The following DACH2 variants were observed in gnomAD, a reference collection of about 807,000 sequenced individuals.
DACH2 encodes the protein dachshund family transcription factor 2.
Under a neutral mutation model 35.8 loss-of-function variants are expected in DACH2, and 17 were observed. The ratio of observed to expected loss-of-function variants is 0.48; its 90% CI spans 0.33 to 0.71. The LOEUF is 0.71. DACH2 is among the 30% of genes least tolerant of loss of function. The pLI is 0.02. For synonymous variants in DACH2, 195 were observed against 177.3 expected (o/e 1.10, Z -0.79); for missense variants, 469 against 472.7 (o/e 0.99, Z 0.07).
At chrX:86,160,369 G>A in intron 1 of DACH2, 1 of 754,959 alleles carries the variant, frequency 1.3e-6, no homozygotes, top group Non-Finnish European at 2.0e-6. Context: ...GAGGAGGATA[G>A]TCTGAGAAGC....
chrX:86,296,986 T>C (rs2035232962), intron 1 of DACH2, among the ~76,000 whole-genome samples: 1 of 107,648 alleles, frequency 9.3e-6, no homozygotes. Context: ...ACATACGTTT[T>C]CTGGCTTCAG....
At chrX:86,416,955 G>A (rs1425468129) in intron 2 of DACH2, among the ~76,000 whole-genome samples, 1 of 109,018 alleles carries the variant, frequency 9.2e-6, no homozygotes, top group African/African-American at 3.4e-5. Flanking sequence ...TTAGCCAAGT[G>A]TGGTCGTGGA....
intron 3 of DACH2, among the ~76,000 whole-genome samples, chrX:86,569,026 T>A (rs2039329528): frequency 9.0e-6 from 1 of 111,520 alleles, no homozygotes; most frequent in East Asian, 2.9e-4. Context: ...AGGTTTTACA[T>A]AAACACATTT....
At chrX:86,810,194 T>TC (rs1380902560) in intron 7 of DACH2, among the ~76,000 whole-genome samples, 1 of 111,838 alleles carries the variant, frequency 8.9e-6, no homozygotes, top group Non-Finnish European at 1.9e-5. Context: ...TTTTTCATCT[T>TC]CAAATAGAAG....
chrX:86,335,201 C>T (rs1429249599), intron 1 of DACH2, among the ~76,000 whole-genome samples: 1 of 111,099 alleles, frequency 9.0e-6, no homozygotes, highest in Non-Finnish European at 1.9e-5. Context: ...ATGATACCTC[C>T]AGCTTTGTTC....
At chrX:86,399,802 C>G (rs752933434) in intron 2 of DACH2, among the ~76,000 whole-genome samples, 33 of 111,738 alleles carry the variant, frequency 3.0e-4, no homozygotes, top group African/African-American at 9.4e-4. Flanking sequence ...TTCTCTCTGG[C>G]TGCCCTTAAC....
intron 2 of DACH2, among the ~76,000 whole-genome samples, chrX:86,388,450 C>T (rs2036153548): frequency 9.0e-6 from 1 of 111,257 alleles, no homozygotes; most frequent in Admixed American, 9.6e-5. Flanking sequence ...TTGCCCAGTT[C>T]CCCACAAACC....
At chrX:86,570,362 A>G (rs1029604640) in intron 3 of DACH2, among the ~76,000 whole-genome samples, 1 of 111,880 alleles carries the variant, frequency 8.9e-6, no homozygotes, top group Non-Finnish European at 1.9e-5. Flanking sequence ...GATAGACTAG[A>G]TAAAGAAAAT....
At chrX:86,488,275 T>G (rs1569418803) in intron 2 of DACH2, among the ~76,000 whole-genome samples, 1 of 111,585 alleles carries the variant, frequency 9.0e-6, no homozygotes, top group Non-Finnish European at 1.9e-5. Context: ...GCAATCATGG[T>G]TTTTCCCTAG....
chrX:86,514,499 A>G (rs1358206861), intron 3 of DACH2, 108 bp downstream of exon 3: 2 of 729,328 alleles, frequency 2.7e-6, no homozygotes, highest in African/African-American at 2.2e-5. Context: ...TTCAAGCTCT[A>G]TTAGAGGTTA....
intron 7 of DACH2, among the ~76,000 whole-genome samples, chrX:86,762,312 C>T (rs2041891517): frequency 9.0e-6 from 1 of 111,248 alleles, no homozygotes; most frequent in Non-Finnish European, 1.9e-5. Context: ...ATCTGAAAGA[C>T]CTTATTATCT....
intron 2 of DACH2, among the ~76,000 whole-genome samples, chrX:86,433,475 T>C (rs960202843): frequency 1.8e-5 from 2 of 112,024 alleles, no homozygotes; most frequent in Admixed American, 1.9e-4. Context: ...TCCTCAATAA[T>C]TTAGGGGATG....
chrX:86,326,743 T>C (rs965345089), intron 1 of DACH2, among the ~76,000 whole-genome samples: 2 of 111,087 alleles, frequency 1.8e-5, no homozygotes, highest in Admixed American at 1.9e-4. Flanking sequence ...TATGTCCATG[T>C]GTAACCAATG....
intron 1 of DACH2, among the ~76,000 whole-genome samples, chrX:86,232,756 G>A (rs770745078): frequency 8.9e-6 from 1 of 112,280 alleles, no homozygotes; most frequent in Non-Finnish European, 1.9e-5. Context: ...ATCTAAATGA[G>A]TTCAAGTATT....
At chrX:86,563,063 G>A (rs183622198) in intron 3 of DACH2, among the ~76,000 whole-genome samples, 1 of 110,243 alleles carries the variant, frequency 9.1e-6, no homozygotes, top group Admixed American at 9.7e-5. Context: ...ATTGGTCTAG[G>A]TTTCTTAAGA....
intron 3 of DACH2, among the ~76,000 whole-genome samples, chrX:86,602,127 A>ATAGC (rs2039797443): frequency 8.9e-6 from 1 of 112,122 alleles, no homozygotes; most frequent in African/African-American, 3.2e-5. Flanking sequence ...TATGTTATAA[A>ATAGC]TAGCTTCTTT....
intron 2 of DACH2, among the ~76,000 whole-genome samples, chrX:86,436,687 C>A (rs2037073178): frequency 9.0e-6 from 1 of 111,128 alleles, no homozygotes; most frequent in African/African-American, 3.3e-5. Flanking sequence ...TTGATTCTAC[C>A]TTTAAGAAAA....
At chrX:86,465,402 A>G (rs2037648601) in intron 2 of DACH2, among the ~76,000 whole-genome samples, 1 of 112,027 alleles carries the variant, frequency 8.9e-6, no homozygotes, top group African/African-American at 3.2e-5. Context: ...AGAGCTTTGA[A>G]CTTTTGACAT....
At chrX:86,592,734 A>T (rs939558206) in intron 3 of DACH2, among the ~76,000 whole-genome samples, 1 of 111,883 alleles carries the variant, frequency 8.9e-6, no homozygotes, top group Non-Finnish European at 1.9e-5. Context: ...TATATTTCTT[A>T]TAAATACTTT....
Sources: allele counts gnomAD v4.1 joint callset (sites outside exome capture counted in the v4.1 genomes callset), GRCh38; gene constraint gnomAD v4.1.1; transcripts MANE v1.5; gene names NCBI Gene and HGNC (gene_info 2026-07-23, HGNC 2026-07-21).